Variants in DARS2 observed in about 807,000 individuals in gnomAD.
The protein encoded by DARS2 is aspartate--tRNA ligase, mitochondrial.
A neutral mutation model predicts 83.0 loss-of-function variants in DARS2; 63 were observed. The ratio of observed to expected loss-of-function variants is 0.76; its 90% CI spans 0.62 to 0.94. The LOEUF is 0.94. Ranked by LOEUF, DARS2 falls within the 40% of genes least tolerant of loss-of-function variation. The probability of loss-of-function intolerance (pLI) is 0.00; values close to 1 mark genes in which losing one functional copy is unlikely to be tolerated. For missense variants in DARS2, 675 were observed against 774.4 expected (o/e 0.87, Z 1.52); for synonymous variants, 250 against 269.3 (o/e 0.93, Z 0.70).
At position 173,850,629 on chromosome 1, in the gene DARS2, G is replaced by A. The variant is rs187254029; in HGVS notation, c.1344+150G>A. 4,638 of 912,918 alleles carry A rather than the reference G, an allele frequency of 5.1e-3. 18 individuals are homozygous for A. The highest frequency in any genetic ancestry group is 6.5e-3 in the Non-Finnish European group (4,125 of 635,126). The allele number at this position is 912,918 out of a possible 1,614,324, so 56.6% of individuals were successfully genotyped here. ...TCTTTTTTTTTTTTTTTTAAGAGAC[G>A]GAGTTTTGCTCTGTTGCCCAGGTTG... On this transcript the variant is annotated intron_variant, in intron 13 of 16. Transcript: ENST00000649689.
At chr1:173,850,014 G>A (rs565570654) in intron 12 of DARS2, among the ~76,000 whole-genome samples, 1 of 151,398 alleles carries the variant, frequency 6.6e-6, no homozygotes, top group South Asian at 2.1e-4. Flanking sequence ...CACAGAACTG[G>A]CACAGCTACT....
intron 12 of DARS2, among the ~76,000 whole-genome samples, chr1:173,848,709 T>G (rs1368140665): frequency 2.0e-5 from 3 of 152,216 alleles, no homozygotes; most frequent in Non-Finnish European, 4.4e-5. Context: ...GCTTTTTGCC[T>G]TCTGATTCTT....
chr1:173,850,594 T>A, intron 13 of DARS2, 115 bp downstream of exon 13: 3 of 1,052,364 alleles, frequency 2.9e-6, no homozygotes, highest in Non-Finnish European at 4.1e-6. Flanking sequence ...ATGGAGCTGC[T>A]CTGCATAAAT....
intron 11 of DARS2, among the ~76,000 whole-genome samples, chr1:173,841,435 T>C (rs1489972785): frequency 6.6e-6 from 1 of 151,992 alleles, no homozygotes; most frequent in Non-Finnish European, 1.5e-5. Flanking sequence ...AAACCATAAG[T>C]AGAGAACAAT....
At position 173,837,047 on chromosome 1, in the gene DARS2, GTGAGCTTTTT is replaced by G; in HGVS notation, c.770+3_770+12del. On this transcript the variant is annotated splice_donor_variant and splice_donor_5th_base_variant and intron_variant, in intron 8 of 16. Transcript: ENST00000649689. LOFTEE classifies it high-confidence loss of function. The stretch of plus-strand genomic sequence containing the variant: ...TTCTGATGGTTGGCGGTTTAGACAG[GTGAGCTTTTT>G]TTATGCTAGCAGTTGTCAGAAAAGG... 1 of 1,612,762 alleles carries G rather than the reference GTGAGCTTTTT, an allele frequency of 6.2e-7. No homozygotes were observed. Among genetic ancestry groups the G allele is most frequent in the Non-Finnish European group, 8.5e-7 (1 of 1,178,890 alleles).
At chr1:173,825,469 T>TTATTATTATTATTAC in intron 1 of DARS2, 113 bp downstream of exon 1, 1 of 691,436 alleles carries the variant, frequency 1.4e-6, no homozygotes. Flanking sequence ...ATTATTATTA[T>TTATTATTATTATTAC]TATTATTATT....
rs1454979977 is a variant in DARS2 at position 173,841,128 on chromosome 1, A to T, written c.1128+155A>T. On this transcript the variant is annotated intron_variant, in intron 11 of 16. Transcript: ENST00000649689. ...GGTGGCTCACACCTGTAATCCTAGCACTTTGGGAGGCCGAGGCGTGTGGAT... is the reference window on the plus strand; with the variant it reads ...GGTGGCTCACACCTGTAATCCTAGCTCTTTGGGAGGCCGAGGCGTGTGGAT... Among the ~76,000 whole-genome samples, 3 of 151,964 alleles carry T rather than the reference A, an allele frequency of 2.0e-5. No individual in the cohort carries two copies. In the East Asian group the frequency reaches 5.8e-4, roughly 29 times the overall value.
At chr1:173,834,387 C>G in intron 6 of DARS2, 86 bp from the exon 7 acceptor site, 5 of 1,020,894 alleles carry the variant, frequency 4.9e-6, no homozygotes, top group Non-Finnish European at 6.2e-6. Context: ...AGGGAAGCCT[C>G]AGATTTGTTG....
chr1:173,828,311 TTTCC>T lies in DARS2; in HGVS notation c.228-21_228-18del. On this transcript the variant is annotated intron_variant, in intron 2 of 16. Transcript: ENST00000649689. ...AGAGATTTTATCTTAAAATGTTTCT[TTTCC>T]CCCCCCCCATTAATCAGGCAAAACA... 1 of 1,586,792 alleles carries T rather than the reference TTTCC, an allele frequency of 6.3e-7. No individual in the cohort carries two copies. The highest frequency in any genetic ancestry group is 8.6e-7 in the Non-Finnish European group (1 of 1,159,970).
intron 12 of DARS2, among the ~76,000 whole-genome samples, chr1:173,849,272 G>A (rs753170632): frequency 6.6e-6 from 1 of 151,674 alleles, no homozygotes; most frequent in Non-Finnish European, 1.5e-5. Flanking sequence ...AGTGACTCAC[G>A]CCTGTAATCC....
chr1:173,853,140 A>G (rs537316418), intron 13 of DARS2, among the ~76,000 whole-genome samples: 22 of 152,278 alleles, frequency 1.4e-4, no homozygotes, highest in African/African-American at 5.3e-4. Context: ...ATCAGTACTC[A>G]CCCAGTTGGT....
At position 173,842,284 on chromosome 1, in the gene DARS2, C is replaced by CTTTTTTTTTTTTTTTTT. The variant is rs1178547914; in HGVS notation, c.1128+1328_1128+1344dup. Among the ~76,000 whole-genome samples, 29 of 64,252 alleles carry CTTTTTTTTTTTTTTTTT rather than the reference C, an allele frequency of 4.5e-4. 6 individuals are homozygous for CTTTTTTTTTTTTTTTTT. Among genetic ancestry groups the CTTTTTTTTTTTTTTTTT allele is most frequent in the East Asian group, 8.7e-4 (2 of 2,304 alleles). The allele number at this position is 64,252 out of a possible 152,430, so 42.2% of individuals were successfully genotyped here. A position where few individuals can be genotyped will look rare whatever the true frequency, so the allele number is the denominator to read the frequency against. On this transcript the variant is annotated intron_variant, in intron 11 of 16. Coordinates refer to ENST00000649689, the MANE Select transcript of DARS2 (RefSeq NM_018122.5). ...CTCAGGAACTCAGTCTCATTACTTT[C>CTTTTTTTTTTTTTTTTT]TTTTTTTTTTTTTTTTTTTTTTTTT...
At chr1:173,827,449 G>A (rs1652624900) in intron 2 of DARS2, among the ~76,000 whole-genome samples, 1 of 152,122 alleles carries the variant, frequency 6.6e-6, no homozygotes, top group South Asian at 2.1e-4. Flanking sequence ...CCAATATGAT[G>A]AAACCCCGTC....
rs575882266 is a variant in DARS2 at position 173,824,876 on chromosome 1, T to A, written c.-354T>A. ...TGGAAAGAGGAGAAGGGCGTATACC[T>A]TGTGACCGCCTCTGGTTGTCTTGGG... On this transcript the variant is annotated 5_prime_UTR_variant, in exon 1 of 17. It adds an upstream start codon to the 5' untranslated region. Coordinates refer to ENST00000649689, the MANE Select transcript of DARS2 (RefSeq NM_018122.5). 2.9e-5 allele frequency: 10 copies of A among 345,206 alleles called. No homozygotes were observed. The highest frequency in any genetic ancestry group is 5.7e-5 in the Non-Finnish European group (10 of 175,786). The allele number at this position is 345,206 out of a possible 1,614,324, so 21.4% of individuals were successfully genotyped here.
chr1:173,835,419 A>C (rs28804123), intron 7 of DARS2, among the ~76,000 whole-genome samples: 51,979 of 150,620 alleles, frequency 0.35, 9,811 homozygotes, highest in African/African-American at 0.51. Context: ...GAACAAATCT[A>C]TTGGCCGGGC....
At chr1:173,837,593 G>A (rs1001421296) in intron 8 of DARS2, among the ~76,000 whole-genome samples, 1 of 151,962 alleles carries the variant, frequency 6.6e-6, no homozygotes, top group Non-Finnish European at 1.5e-5. Context: ...GAAGAAGCAT[G>A]GGCTAAAAAA....
At chr1:173,855,424 G>GCCAATTCAAAGCCA (rs1263755026) in intron 15 of DARS2, among the ~76,000 whole-genome samples, 37 of 151,890 alleles carry the variant, frequency 2.4e-4, no homozygotes, top group African/African-American at 8.5e-4. Context: ...CTTTTCTCCT[G>GCCAATTCAAAGCCA]CCAATTCAAA....
chr1:173,855,129 A>C (rs1653812722), intron 15 of DARS2, among the ~76,000 whole-genome samples: 1 of 149,688 alleles, frequency 6.7e-6, no homozygotes, highest in South Asian at 2.1e-4. Flanking sequence ...TTTGAGACAG[A>C]GTCTTGCTCT....
intron 2 of DARS2, among the ~76,000 whole-genome samples, chr1:173,828,023 C>T (rs928368219): frequency 4.6e-5 from 7 of 151,918 alleles, no homozygotes; most frequent in Non-Finnish European, 8.8e-5. Context: ...TTTAATTGTT[C>T]ATCTATAATA....
Sources: allele counts gnomAD v4.1 joint callset (sites outside exome capture counted in the v4.1 genomes callset), GRCh38; gene constraint gnomAD v4.1.1; transcripts MANE v1.5; gene names NCBI Gene and HGNC (gene_info 2026-07-23, HGNC 2026-07-21).